The following ZFAND4 variants were observed in gnomAD, a reference collection of about 807,000 sequenced individuals.
ZFAND4 encodes zinc finger AN1-type containing 4.
A neutral mutation model predicts 64.4 loss-of-function variants in ZFAND4; 43 were observed. That is an observed-to-expected ratio of 0.67 (90% CI 0.52 to 0.86). The LOEUF (loss-of-function observed/expected upper bound fraction) is 0.86. Among genes scored for constraint, ZFAND4 ranks in the 40% least tolerant of loss-of-function variants. The pLI, the probability that ZFAND4 is intolerant of heterozygous loss-of-function variation, is 0.00. For missense variants in ZFAND4, 929 were observed against 859.8 expected, an observed-to-expected ratio of 1.08 and a Z score of -1.01; for synonymous variants, 296 against 305.7, an observed-to-expected ratio of 0.97 and a Z score of 0.33.
In ZFAND4 at chr10:45,654,883, AAAC is replaced by A. The variant is rs2048001535; in HGVS notation, c.185-1827_185-1825del. Among the ~76,000 whole-genome samples the A allele has an allele frequency of 2.6e-5, 4 of 152,316 alleles. No homozygotes were observed. The South Asian group carries it at 8.3e-4, about 32-fold the overall frequency. On this transcript the variant is annotated intron_variant, in intron 2 of 9. Transcript: ENST00000344646. ...AACAATTGCTATCAGGAAAAGAGAT[AAAC>A]AACAACACAATAATAGTGGGGGACT...
chr10:45,672,303 C>T lies in ZFAND4; in HGVS notation c.-171G>A. The T allele has an allele frequency of 6.6e-6, 1 of 152,324 alleles. No individual in the cohort carries two copies. Among genetic ancestry groups the T allele is most frequent in the Non-Finnish European group, 1.5e-5 (1 of 68,112 alleles). The allele number at this position is 152,324 out of a possible 1,614,324, so 9.4% of individuals were successfully genotyped here. On this transcript the variant is annotated 5_prime_UTR_variant, in exon 1 of 10. Coordinates refer to ENST00000344646, the MANE Select transcript of ZFAND4 (RefSeq NM_174890.4). ...AGCCGTTGCTCCTCCAAGACCAATC[C>T]GGGCTCCCCAGACCCACCGGCCTGA... is the stretch of plus-strand genomic sequence containing the variant.
At chr10:45,663,502 A>T in intron 2 of ZFAND4, 40 bp downstream of exon 2, 1 of 1,492,842 alleles carries the variant, frequency 6.7e-7, no homozygotes, top group Non-Finnish European at 9.0e-7. Flanking sequence ...TGATGAACAA[A>T]TTTAATTTTC....
intron 6 of ZFAND4, among the ~76,000 whole-genome samples, chr10:45,634,632 G>A (rs141236733): frequency 0.011 from 1,747 of 151,996 alleles, 18 homozygotes; most frequent in Non-Finnish European, 0.016. Flanking sequence ...ATGAAAAGAA[G>A]TACTAGTACT....
intron 8 of ZFAND4, among the ~76,000 whole-genome samples, chr10:45,623,210 G>A (rs568927966): frequency 2.6e-5 from 4 of 152,200 alleles, no homozygotes; most frequent in Admixed American, 6.5e-5. Flanking sequence ...ACAATATGAC[G>A]GTTCCTCAAA....
intron 1 of ZFAND4, among the ~76,000 whole-genome samples, chr10:45,670,445 C>T (rs967857317): frequency 3.3e-5 from 5 of 152,062 alleles, no homozygotes; most frequent in African/African-American, 7.2e-5. Context: ...TCTCCATGTT[C>T]GTCAGGCTGG....
intron 1 of ZFAND4, among the ~76,000 whole-genome samples, chr10:45,671,848 A>G (rs1284259388): frequency 1.3e-5 from 2 of 152,160 alleles, no homozygotes; most frequent in African/African-American, 4.8e-5. Flanking sequence ...TCAATTCCCA[A>G]AGCATTTCTC....
Position 45,616,717 on chromosome 10 carries a change from C to T in ZFAND4, c.2049-146G>A, listed in dbSNP as rs1213334519. 1.3e-5 allele frequency: 9 copies of T among 704,886 alleles called. No individual in the cohort carries two copies. The Admixed American group carries it at 1.5e-4, about 11-fold the overall frequency. The allele number at this position is 704,886 out of a possible 1,614,324, so 43.7% of individuals were successfully genotyped here. A position where few individuals can be genotyped will look rare whatever the true frequency, so the allele number is the denominator to read the frequency against. On this transcript the variant is annotated intron_variant, in intron 9 of 9. Transcript: ENST00000344646. ...TCACTGCTGACATTTCCCTTCCATT[C>T]GTAAACAAGCATAAATACCCCCAAA...
intron 1 of ZFAND4, 73 bp from the exon 2 acceptor site, chr10:45,663,915 G>A (rs2048636189): frequency 6.4e-6 from 3 of 469,322 alleles, no homozygotes; most frequent in Non-Finnish European, 1.1e-5. Flanking sequence ...TCCGTTAACT[G>A]TGGCCCATAT....
intron 5 of ZFAND4, among the ~76,000 whole-genome samples, chr10:45,643,081 C>A (rs558616339): frequency 6.6e-6 from 1 of 151,400 alleles, no homozygotes; most frequent in South Asian, 2.1e-4. Flanking sequence ...CCATCACGCC[C>A]GGCTAATTTT....
At chr10:45,656,092 G>A (rs921563783) in intron 2 of ZFAND4, among the ~76,000 whole-genome samples, 3 of 152,074 alleles carry the variant, frequency 2.0e-5, no homozygotes, top group African/African-American at 4.8e-5. Flanking sequence ...TTAGCTGGGC[G>A]TGGTGGCACG....
chr10:45,652,037 T>C lies in ZFAND4; in HGVS notation c.261-4A>G. 6.2e-7 allele frequency: 1 copy of C among 1,613,654 alleles called. No individual in the cohort carries two copies. The highest frequency in any genetic ancestry group is 8.5e-7 in the Non-Finnish European group (1 of 1,179,660). ...CAAGGTACACCCTTCTGAAATGCTG[T>C]GGATAGTTAACACAAAAATAAATCA... On this transcript the variant is annotated splice_region_variant and splice_polypyrimidine_tract_variant and intron_variant, in intron 3 of 9. Coordinates refer to ENST00000344646, the MANE Select transcript of ZFAND4 (RefSeq NM_174890.4).
chr10:45,662,184 T>C (rs774576307), intron 2 of ZFAND4, among the ~76,000 whole-genome samples: 1 of 152,228 alleles, frequency 6.6e-6, no homozygotes, highest in Non-Finnish European at 1.5e-5. Flanking sequence ...CTAATATCTG[T>C]ATTTGTTCAT....
intron 6 of ZFAND4, among the ~76,000 whole-genome samples, chr10:45,630,819 A>G (rs146802122): frequency 1.3e-5 from 2 of 152,224 alleles, no homozygotes; most frequent in African/African-American, 4.8e-5. Context: ...GTGGTTGTAT[A>G]TTAGACAAAG....
chr10:45,648,464 C>G lies in ZFAND4; in HGVS notation c.399G>C (p.Lys133Asn). The change falls in exon 5 of 10, where the codon AAG becomes AAC. Residue 133 changes from lysine (K) to asparagine (N), a missense_variant. Transcript: ENST00000344646. The part of the protein sequence containing the change: ...LDSSRVEVWE[K>N]TSCSKQVTFL... ...ATGTAACTTGTTTGCTGCAGGAGGTCTTCTCCCAGACCTCAACTCGACTGG... is the reference window on the plus strand; with the variant it reads ...ATGTAACTTGTTTGCTGCAGGAGGTGTTCTCCCAGACCTCAACTCGACTGG... The G allele has an allele frequency of 6.2e-7, 1 of 1,613,910 alleles. No homozygotes were observed. The highest frequency in any genetic ancestry group is 2.2e-5 in the East Asian group (1 of 44,854).
Position 45,626,682 on chromosome 10 carries a change from T to A in ZFAND4, c.1141A>T (p.Ile381Phe). 6.2e-7 allele frequency: 1 copy of A among 1,614,240 alleles called. No homozygotes were observed. The highest frequency in any genetic ancestry group is 1.1e-5 in the South Asian group (1 of 91,090). ...ACACATTCTTCTGAAGGTAAGACAA[T>A]GTTCCCATTACTAGATGGCAAGTTT... is the stretch of plus-strand genomic sequence containing the variant. ...LGNLPSSNGNIVLPSEECVTE... is the reference protein window; with the variant it reads ...LGNLPSSNGNFVLPSEECVTE... The change falls in exon 7 of 10, where the codon ATT (isoleucine) becomes TTT (phenylalanine). Residue 381 changes from isoleucine (I) to phenylalanine (F), a missense_variant. By Grantham distance (21) the Ile-to-Phe change is conservative (BLOSUM62 0). Coordinates refer to ENST00000344646, the MANE Select transcript of ZFAND4 (RefSeq NM_174890.4).
intron 8 of ZFAND4, among the ~76,000 whole-genome samples, chr10:45,621,799 A>C (rs1156868987): frequency 6.6e-6 from 1 of 152,192 alleles, no homozygotes; most frequent in African/African-American, 2.4e-5. Flanking sequence ...TTAAAACAAA[A>C]GTAAAAATTT....
chr10:45,652,818 A>G (rs17157944), intron 3 of ZFAND4, among the ~76,000 whole-genome samples, 166 bp downstream of exon 3: 9,115 of 152,308 alleles, frequency 0.06, 396 homozygotes, highest in African/African-American at 0.12. Context: ...AGTAGTATAC[A>G]GTACCAAACT....
chr10:45,663,614 T>A lies in ZFAND4; in HGVS notation c.112A>T (p.Thr38Ser), dbSNP rs2048617183. Reference protein sequence around the residue: ...MELFIETLTGTCFELRVSPFE... With the variant: ...MELFIETLTGSCFELRVSPFE... ...GGTGAAACTCTCAGCTCAAAACATG[T>A]TCCAGTTAATGTTTCAATGAAGAGC... is the stretch of plus-strand genomic sequence containing the variant. The change falls in exon 2 of 10, where the codon ACA becomes TCA. Residue 38 changes from threonine to serine, a missense_variant. By Grantham distance (58) the Thr-to-Ser change is moderately conservative. Coordinates refer to ENST00000344646, the MANE Select transcript of ZFAND4 (RefSeq NM_174890.4). 1 of 1,611,334 alleles carries A rather than the reference T, an allele frequency of 6.2e-7. No individual in the cohort carries two copies. The highest frequency in any genetic ancestry group is 1.1e-5 in the South Asian group (1 of 90,192).
intron 5 of ZFAND4, among the ~76,000 whole-genome samples, chr10:45,646,844 A>T (rs2047418222): frequency 6.6e-6 from 1 of 152,196 alleles, no homozygotes; most frequent in African/African-American, 2.4e-5. Context: ...TGTAACCCTC[A>T]CTGCTACCTC....
Sources: gnomAD v4.1 joint callset for allele counts (sites outside exome capture counted in the v4.1 genomes callset) on GRCh38, gnomAD v4.1.1 for gene constraint, MANE v1.5 for transcripts, NCBI Gene and HGNC (gene_info 2026-07-23, HGNC 2026-07-21) for gene names.